The following CNGA2 variants were observed in gnomAD, a reference collection of about 807,000 sequenced individuals.
The protein encoded by CNGA2 is cyclic nucleotide-gated channel alpha-2.
CNGA2 carries 22 observed loss-of-function variants against 35.9 expected under a neutral mutation model. The ratio of observed to expected loss-of-function variants is 0.61; its 90% CI spans 0.44 to 0.88. The LOEUF (loss-of-function observed/expected upper bound fraction) is 0.88. Ranked by LOEUF, CNGA2 falls within the 40% of genes least tolerant of loss-of-function variation. The pLI, the probability that CNGA2 is intolerant of heterozygous loss-of-function variation, is 0.00. For synonymous variants in CNGA2, 217 were observed against 209.2 expected, an observed-to-expected ratio of 1.04 and a Z score of -0.32; for missense variants, 555 against 530.8, an observed-to-expected ratio of 1.05 and a Z score of -0.45.
rs2015331073 is a variant in CNGA2, at chrX:151,743,031, CATATATATGT to C, written c.590-53_590-44del. The C allele has an allele frequency of 3.6e-3, 1,174 of 329,008 alleles. 249 individuals carry two copies. The highest frequency in any genetic ancestry group is 3.6e-3 in the Non-Finnish European group (729 of 202,261). 27.1% of individuals were successfully genotyped at this position (329,008 alleles called of 1,213,427 possible). A position where few individuals can be genotyped will look rare whatever the true frequency, so the allele number is the denominator to read the frequency against. On this transcript the variant is annotated intron_variant, in intron 6 of 6. Transcript: ENST00000329903. Reference sequence around the variant, plus strand: ...ACACATATATATGTATATATATGCACATATATATGTATATATATACCCTGAGGGCAGAGAT... The same window carrying C: ...ACACATATATATGTATATATATGCACATATATATACCCTGAGGGCAGAGAT...
At position 151,743,377 on chromosome X, in the gene CNGA2, A is replaced by C; in HGVS notation, c.874A>C (p.Ile292Leu). 1 of 1,209,513 alleles carries C rather than the reference A, an allele frequency of 8.3e-7. No individual in the cohort carries two copies. Among genetic ancestry groups the C allele is most frequent in the African/African-American group, 1.8e-5 (1 of 57,020 alleles). Residue 292 changes from isoleucine (I) to leucine (L), a missense_variant, in exon 7 of 7, where the codon ATC becomes CTC. Coordinates refer to ENST00000329903, the MANE Select transcript of CNGA2 (RefSeq NM_005140.3). ...GGTCATCATCCACTGGAATGCCTGC[A>C]TCTATTATGCCATCTCCAAATCCAT... Reference protein sequence around the residue: ...ILVIIHWNACIYYAISKSIGF... With the variant: ...ILVIIHWNACLYYAISKSIGF...
At position 151,744,163 on chromosome X, in the gene CNGA2, G is replaced by A; in HGVS notation, c.1660G>A (p.Asp554Asn). The change falls in exon 7 of 7, where the codon GAT becomes AAT. Residue 554 changes from aspartate (D) to asparagine (N), a missense_variant. Asp to Asn is a conservative substitution (Grantham distance 23). Transcript: ENST00000329903. ...GYSDLFCLSK[D>N]DLMEAVTEYP... The stretch of plus-strand genomic sequence containing the variant: ...CTCAGATCTCTTCTGCTTGTCCAAG[G>A]ATGATCTTATGGAAGCTGTGACTGA... 8.3e-7 allele frequency: 1 copy of A among 1,210,731 alleles called. No homozygotes were observed. The highest frequency in any genetic ancestry group is 1.1e-6 in the Non-Finnish European group (1 of 895,359).
Position 151,740,653 on chromosome X carries a change from C to T in CNGA2, c.375-141C>T, listed in dbSNP as rs984059133. Reference sequence around the variant, plus strand: ...GTTGTAGTTCCCTGAAAAATGTGGCCCTCAGCCAACCCATCTTTCACCCCA... The same window carrying T: ...GTTGTAGTTCCCTGAAAAATGTGGCTCTCAGCCAACCCATCTTTCACCCCA... On this transcript the variant is annotated intron_variant, in intron 4 of 6. Coordinates refer to ENST00000329903, the MANE Select transcript of CNGA2 (RefSeq NM_005140.3). 8 of 499,533 alleles carry T rather than the reference C, an allele frequency of 1.6e-5. No individual in the cohort carries two copies. The African/African-American group carries it at 1.6e-4, about 10-fold the overall frequency. 41.2% of individuals were successfully genotyped at this position (499,533 alleles called of 1,213,427 possible). A position where few individuals can be genotyped will look rare whatever the true frequency, so the allele number is the denominator to read the frequency against.
rs913807943 is a variant in CNGA2 at position 151,739,715 on chromosome X, C to T, written c.357C>T (p.Gly119=). ...GGGATGGCAAAGGCGACAAGGATGG[C>T]GAGGACAAAGGCACCAAGTACAGCT... is the stretch of plus-strand genomic sequence containing the variant. ...QEGDGKGDKD[G]EDKGTKKKFE... The change falls in exon 4 of 7, where the codon GGC becomes GGT. Residue 119 remains glycine, a synonymous_variant. Coordinates refer to ENST00000329903, the MANE Select transcript of CNGA2 (RefSeq NM_005140.3). 1 of 1,209,185 alleles carries T rather than the reference C, an allele frequency of 8.3e-7. No individual in the cohort carries two copies. The highest frequency in any genetic ancestry group is 2.2e-5 in the Admixed American group (1 of 45,701).
At position 151,744,502 on chromosome X, in the gene CNGA2, C is replaced by T; in HGVS notation, c.*4C>T. On this transcript the variant is annotated 3_prime_UTR_variant, in exon 7 of 7. Transcript: ENST00000329903. The stretch of plus-strand genomic sequence containing the variant: ...GGCTGCTGCTGACGAGCCATAAGAC[C>T]TGGGGCCCAACTGCCTCTCCAGCAT... 1 of 1,157,352 alleles carries T rather than the reference C, an allele frequency of 8.6e-7. No homozygotes were observed. Among genetic ancestry groups the T allele is most frequent in the Non-Finnish European group, 1.2e-6 (1 of 868,549 alleles).
In CNGA2 at chrX:151,743,854, A is replaced by G; in HGVS notation, c.1351A>G (p.Lys451Glu). 8.3e-7 allele frequency: 1 copy of G among 1,211,548 alleles called. No individual in the cohort carries two copies. The highest frequency in any genetic ancestry group is 1.1e-6 in the Non-Finnish European group (1 of 895,533). Residue 451 changes from lysine to glutamate, a missense_variant, in exon 7 of 7, where the codon AAA becomes GAA. Coordinates refer to ENST00000329903, the MANE Select transcript of CNGA2 (RefSeq NM_005140.3). The part of the protein sequence containing the change: ...AINVHLSTLK[K>E]VRIFHDCEAG... Reference sequence around the variant, plus strand: ...CAATGTCCACTTGTCCACACTCAAGAAAGTGCGCATCTTCCATGATTGTGA... The same window carrying G: ...CAATGTCCACTTGTCCACACTCAAGGAAGTGCGCATCTTCCATGATTGTGA...
intron 4 of CNGA2, among the ~76,000 whole-genome samples, chrX:151,740,181 G>A (rs1012828530): frequency 1.8e-5 from 2 of 112,338 alleles, no homozygotes; most frequent in African/African-American, 6.5e-5. Flanking sequence ...AGAGAAGGCA[G>A]AGCTGGAGGG....
chrX:151,740,763 C>T, intron 4 of CNGA2, 31 bp from the exon 5 acceptor site: 1 of 1,133,469 alleles, frequency 8.8e-7, no homozygotes, highest in Non-Finnish European at 1.2e-6. Context: ...GGGACCTGAT[C>T]CCCAAACCTT....
In CNGA2 at chrX:151,743,200, C is replaced by T. The variant is rs1234066244; in HGVS notation, c.697C>T (p.Leu233=). 1 of 1,205,861 alleles carries T rather than the reference C, an allele frequency of 8.3e-7. No individual in the cohort carries two copies. The highest frequency in any genetic ancestry group is 1.1e-6 in the Non-Finnish European group (1 of 894,156). The change falls in exon 7 of 7, where the codon CTG becomes TTG. Residue 233 remains leucine, a synonymous_variant. Transcript: ENST00000329903. ...TGTGGCTTCCATCATCCCCACTGAC[C>T]TGATCTATTTTGCTGTGGACATCCA... is the stretch of plus-strand genomic sequence containing the variant. ...LDVASIIPTD[L]IYFAVDIHSP...
chrX:151,744,277 A>T lies in CNGA2; in HGVS notation c.1774A>T (p.Ser592Cys). 12 of 1,210,924 alleles carry T rather than the reference A, an allele frequency of 9.9e-6. 1 individual carries two copies. Among genetic ancestry groups the T allele is most frequent in the African/African-American group, 3.5e-5 (2 of 57,581 alleles). Residue 592 changes from serine (S) to cysteine (C), a missense_variant, in exon 7 of 7, where the codon AGC becomes TGC. Ser to Cys is a moderately radical substitution (Grantham distance 112, BLOSUM62 -1). Transcript: ENST00000329903. ...GCTGGATGAGAACGAAGTGGCAACC[A>T]GCATGGAGGTCGACGTGCAGGAGAA... ...GLLDENEVATSMEVDVQEKLG... is the reference protein window; with the variant it reads ...GLLDENEVATCMEVDVQEKLG...
At chrX:151,742,939 T>C (rs1167575194) in intron 6 of CNGA2, among the ~76,000 whole-genome samples, 154 bp from the exon 7 acceptor site, 1 of 76,387 alleles carries the variant, frequency 1.3e-5, no homozygotes, top group Non-Finnish European at 2.3e-5. Context: ...TATATATATA[T>C]ATGTATATGT....
Position 151,743,986 on chromosome X carries a change from A to C in CNGA2, c.1483A>C (p.Lys495Gln). ...GDIGKEMYII[K>Q]EGKLAVVADD... ...CATCGGCAAGGAGATGTACATCATT[A>C]AGGAGGGCAAACTGGCAGTGGTGGC... The change falls in exon 7 of 7, where the codon AAG (lysine) becomes CAG (glutamine). Residue 495 changes from lysine to glutamine, a missense_variant. Lys to Gln is a moderately conservative substitution (Grantham distance 53). Transcript: ENST00000329903. 7 of 1,211,599 alleles carry C rather than the reference A, an allele frequency of 5.8e-6. No homozygotes were observed. The highest frequency in any genetic ancestry group is 7.8e-6 in the Non-Finnish European group (7 of 895,534).
Position 151,738,612 on chromosome X carries a change from A to G in CNGA2, c.110+19A>G. ...GCAGCAGGTGAGTCTGCATGGTATCAGGGAAGGTACAGAGGCTGCTACTTC... is the reference window on the plus strand; with the variant it reads ...GCAGCAGGTGAGTCTGCATGGTATCGGGGAAGGTACAGAGGCTGCTACTTC... On this transcript the variant is annotated intron_variant, in intron 2 of 6. Transcript: ENST00000329903. 8.5e-7 allele frequency: 1 copy of G among 1,173,662 alleles called. No homozygotes were observed. The highest frequency in any genetic ancestry group is 1.7e-5 in the African/African-American group (1 of 57,145).
rs1358065803 is a variant in CNGA2 at position 151,734,780 on chromosome X, A to G, written c.-190A>G. ...TATTATTTCAAGAAAGATGGCGTGG[A>G]TAAACTGTTAGATGCTGCTCAGAAA... On this transcript the variant is annotated 5_prime_UTR_variant, in exon 1 of 7. Coordinates refer to ENST00000329903, the MANE Select transcript of CNGA2 (RefSeq NM_005140.3). 8.9e-6 allele frequency among the ~76,000 whole-genome samples: 1 copy of G among 111,842 alleles called. No individual in the cohort carries two copies. The highest frequency in any genetic ancestry group is 2.8e-4 in the East Asian group (1 of 3,543).
chrX:151,738,017 T>C (rs1331789421), intron 1 of CNGA2, among the ~76,000 whole-genome samples: 1 of 102,467 alleles, frequency 9.8e-6, no homozygotes, highest in East Asian at 3.6e-4. Flanking sequence ...TGCACTTCCT[T>C]GCTTGGGCCA....
At position 151,740,690 on chromosome X, in the gene CNGA2, CG is replaced by C. The variant is rs767400907; in HGVS notation, c.375-102del. 5.8e-4 allele frequency: 359 copies of C among 623,905 alleles called. 2 individuals are homozygous for C. The African/African-American group carries it at 7.1e-3, about 12-fold the overall frequency. 51.4% of individuals were successfully genotyped at this position (623,905 alleles called of 1,213,427 possible). On this transcript the variant is annotated intron_variant, in intron 4 of 6. Transcript: ENST00000329903. Reference sequence around the variant, plus strand: ...CATCTTTCACCCCACATATACCCTTCGGCAGTGCTTTTGCTTTCTCAGGCAC... The same window carrying C: ...CATCTTTCACCCCACATATACCCTTCGCAGTGCTTTTGCTTTCTCAGGCAC...
Position 151,744,229 on chromosome X carries a change from G to A in CNGA2, c.1726G>A (p.Glu576Lys). ...GAAAGTCCTAGAAGAGAGGGGTCGG[G>A]AGATCCTCATGAAGGAGGGACTGCT... ...AKKVLEERGR[E>K]ILMKEGLLDE... is the part of the protein sequence containing the mutation. The change falls in exon 7 of 7, where the codon GAG becomes AAG. Residue 576 changes from glutamate (E) to lysine (K), a missense_variant. Glu to Lys is a moderately conservative substitution (Grantham distance 56). Transcript: ENST00000329903. The A allele has an allele frequency of 1.7e-6, 2 of 1,208,134 alleles. No individual in the cohort carries two copies. The highest frequency in any genetic ancestry group is 5.9e-5 in the East Asian group (2 of 33,674).
rs1419434296 is a variant in CNGA2 at position 151,742,789 on chromosome X, T to G, written c.589+147T>G. On this transcript the variant is annotated intron_variant, in intron 6 of 6. Coordinates refer to ENST00000329903, the MANE Select transcript of CNGA2 (RefSeq NM_005140.3). ...TTTGAACCTCATGGTCCCACATGCA[T>G]AGAGAGGTTTTGATCTCGGGGTGTT... The G allele has an allele frequency of 1.2e-5, 5 of 409,191 alleles. No individual in the cohort carries two copies. The Admixed American group carries it at 1.7e-4, about 14-fold the overall frequency. The allele number at this position is 409,191 out of a possible 1,213,427, so 33.7% of individuals were successfully genotyped here.
In CNGA2 at chrX:151,744,571, C is replaced by G; in HGVS notation, c.*73C>G. 2 of 904,419 alleles carry G rather than the reference C, an allele frequency of 2.2e-6. No homozygotes were observed. Among genetic ancestry groups the G allele is most frequent in the Admixed American group, 6.3e-5 (2 of 31,817 alleles). 74.5% of individuals were successfully genotyped at this position (904,419 alleles called of 1,213,427 possible). On this transcript the variant is annotated 3_prime_UTR_variant, in exon 7 of 7. Coordinates refer to ENST00000329903, the MANE Select transcript of CNGA2 (RefSeq NM_005140.3). The stretch of plus-strand genomic sequence containing the variant: ...CAGAAGCTAGAGGAGCTATTTAGAT[C>G]TCCGGATTTACATGCATTACCCTCA...
Sources: gnomAD v4.1 joint callset for allele counts (sites outside exome capture counted in the v4.1 genomes callset) on GRCh38, gnomAD v4.1.1 for gene constraint, MANE v1.5 for transcripts, NCBI Gene and HGNC (gene_info 2026-07-23, HGNC 2026-07-21) for gene names.